The following EFCAB11 variants were observed in gnomAD, a reference collection of about 807,000 sequenced individuals.
EFCAB11 encodes the protein EF-hand calcium binding domain 11.
In EFCAB11, 14 loss-of-function variants were observed where a neutral mutation model predicts 23.0. That is an observed-to-expected ratio of 0.61 (90% CI 0.40 to 0.95). EFCAB11 has a LOEUF of 0.95. EFCAB11 is among the 40% of genes least tolerant of loss of function. The probability of loss-of-function intolerance (pLI) is 0.00; values close to 1 mark genes in which losing one functional copy is unlikely to be tolerated. For missense variants in EFCAB11, 198 were observed against 195.8 expected (o/e 1.01, Z -0.07); for synonymous variants, 65 against 66.6 (o/e 0.98, Z 0.11).
At position 89,895,975 on chromosome 14, in the gene EFCAB11, T is replaced by C. The variant is rs143828905; in HGVS notation, c.410+35566A>G. Among the ~76,000 whole-genome samples, 27 of 152,150 alleles carry C rather than the reference T, an allele frequency of 1.8e-4. No individual in the cohort carries two copies. The East Asian group carries it at 5.2e-3, about 29-fold the overall frequency. Reference sequence around the variant, plus strand: ...AAAATGGGTAAAAACCATGAACAGGTATGTCACAGAGGAGACTAGTAAATG... The same window carrying C: ...AAAATGGGTAAAAACCATGAACAGGCATGTCACAGAGGAGACTAGTAAATG... On this transcript the variant is annotated intron_variant, in intron 5 of 5. Coordinates refer to ENST00000316738, the MANE Select transcript of EFCAB11 (RefSeq NM_145231.4).
At chr14:89,802,810 A>C (rs1401569645) in intron 5 of EFCAB11, among the ~76,000 whole-genome samples, 1 of 152,226 alleles carries the variant, frequency 6.6e-6, no homozygotes, top group Admixed American at 6.5e-5. Flanking sequence ...GTCTTAAGAT[A>C]TTCCTTAATA....
intron 3 of EFCAB11, among the ~76,000 whole-genome samples, chr14:89,936,831 A>T (rs1467772347): frequency 6.6e-6 from 1 of 152,194 alleles, no homozygotes; most frequent in Non-Finnish European, 1.5e-5. Flanking sequence ...TAAATAACCT[A>T]GAAATAGAGT....
chr14:89,953,425 CA>C (rs899712126), intron 2 of EFCAB11, among the ~76,000 whole-genome samples: 2 of 152,124 alleles, frequency 1.3e-5, no homozygotes, highest in African/African-American at 4.8e-5. Context: ...CAGAATTACA[CA>C]AAAAAACTGT....
chr14:89,879,187 T>TCAAAACTAAAA (rs1230156892), intron 5 of EFCAB11, among the ~76,000 whole-genome samples: 1 of 152,112 alleles, frequency 6.6e-6, no homozygotes, highest in Non-Finnish European at 1.5e-5. Context: ...ATCATATGAC[T>TCAAAACTAAAA]ATTTTTCTTT....
intron 5 of EFCAB11, among the ~76,000 whole-genome samples, chr14:89,804,486 G>A (rs575470339): frequency 7.9e-5 from 12 of 152,250 alleles, no homozygotes; most frequent in South Asian, 4.1e-4. Context: ...AGCTCCAATC[G>A]CTCATAGTAG....
intron 3 of EFCAB11, among the ~76,000 whole-genome samples, chr14:89,938,479 A>G (rs1429746759): frequency 6.6e-6 from 1 of 152,216 alleles, no homozygotes; most frequent in Non-Finnish European, 1.5e-5. Flanking sequence ...AGTGACTTCA[A>G]AAATAGTGAG....
chr14:89,862,507 T>C (rs183979269), intron 5 of EFCAB11, among the ~76,000 whole-genome samples: 2 of 152,166 alleles, frequency 1.3e-5, no homozygotes, highest in African/African-American at 4.8e-5. Context: ...AAACTGTGGG[T>C]CAGAGACATA....
At chr14:89,860,995 G>A (rs956811734) in intron 5 of EFCAB11, among the ~76,000 whole-genome samples, 1 of 152,092 alleles carries the variant, frequency 6.6e-6, no homozygotes, top group African/African-American at 2.4e-5. Flanking sequence ...TTACTCAAAG[G>A]TCAACATTTT....
In EFCAB11 at chr14:89,924,338, C is replaced by T. The variant is rs1278809571; in HGVS notation, c.410+7203G>A. The T allele has an allele frequency of 8.2e-6, 9 of 1,098,980 alleles. No homozygotes were observed. In the Middle Eastern group the frequency reaches 1.2e-3, roughly 148 times the overall value. The allele number at this position is 1,098,980 out of a possible 1,614,324, so 68.1% of individuals were successfully genotyped here. A position where few individuals can be genotyped will look rare whatever the true frequency, so the allele number is the denominator to read the frequency against. ...GGGAGCATTTGGTGCCTCGATATTG[C>T]CACTTTACATCATCATGTGGCAATC... On this transcript the variant is annotated intron_variant, in intron 5 of 5. Transcript: ENST00000316738.
At chr14:89,947,762 G>A (rs1891031688) in intron 3 of EFCAB11, among the ~76,000 whole-genome samples, 1 of 151,820 alleles carries the variant, frequency 6.6e-6, no homozygotes, top group Non-Finnish European at 1.5e-5. Context: ...GACTTCTACT[G>A]GCTAGAGTTC....
chr14:89,943,482 T>C (rs1890863806), intron 3 of EFCAB11, among the ~76,000 whole-genome samples: 1 of 152,124 alleles, frequency 6.6e-6, no homozygotes, highest in Non-Finnish European at 1.5e-5. Flanking sequence ...GCTCAAGTGA[T>C]CCACCCACCT....
intron 5 of EFCAB11, among the ~76,000 whole-genome samples, chr14:89,842,041 G>A (rs978977673): frequency 2.9e-4 from 44 of 152,160 alleles, no homozygotes; most frequent in African/African-American, 1.0e-3. Context: ...ACAGTATCAT[G>A]ACTCCCAGGT....
chr14:89,846,219 G>A (rs562101790), intron 5 of EFCAB11, among the ~76,000 whole-genome samples: 5 of 152,332 alleles, frequency 3.3e-5, no homozygotes, highest in African/African-American at 9.6e-5. Flanking sequence ...TTCTGAAAGC[G>A]TAAGCTGTAC....
rs762463982 is a variant in EFCAB11, at chr14:89,954,618, C to T, written c.43G>A (p.Ala15Thr). ...CACTTCCTGTGTTCCGAGGGACTGG[C>T]TTCCCACGTCCGCGACCTGGCTCTG... ...EARARSRTWE[A>T]SPSEHRKWVE... The change falls in exon 1 of 6, where the codon GCC becomes ACC. Residue 15 changes from alanine to threonine, a missense_variant. Ala to Thr is a moderately conservative substitution (Grantham distance 58). Transcript: ENST00000316738. 2 of 1,613,770 alleles carry T rather than the reference C, an allele frequency of 1.2e-6. No homozygotes were observed. The highest frequency in any genetic ancestry group is 2.7e-5 in the African/African-American group (2 of 75,062).
intron 3 of EFCAB11, among the ~76,000 whole-genome samples, chr14:89,947,235 T>C (rs1009285627): frequency 6.6e-6 from 1 of 152,134 alleles, no homozygotes; most frequent in Non-Finnish European, 1.5e-5. Context: ...AAGTTTTAAA[T>C]TATTCAAAAA....
chr14:89,800,315 T>C lies in EFCAB11; in HGVS notation c.411-2991A>G, dbSNP rs531253204. On this transcript the variant is annotated intron_variant, in intron 5 of 5. Transcript: ENST00000316738. ...ATGCTCAACCACATTTTGCAAAACA[T>C]AGACTAGGTACAGAGGAGACCACAT... is the stretch of plus-strand genomic sequence containing the variant. Among the ~76,000 whole-genome samples the C allele has an allele frequency of 1.0e-3, 154 of 152,116 alleles. 2 individuals are homozygous for C. The highest frequency in any genetic ancestry group is 3.5e-3 in the African/African-American group (146 of 41,502).
At chr14:89,948,895 T>C (rs73324532) in intron 3 of EFCAB11, among the ~76,000 whole-genome samples, 8,486 of 147,992 alleles carry the variant, frequency 0.057, 422 homozygotes, top group African/African-American at 0.13. Flanking sequence ...AAAAAAAAAA[T>C]AGAGTAAGAC....
At chr14:89,952,088 C>T (rs1891189374) in intron 2 of EFCAB11, among the ~76,000 whole-genome samples, 1 of 152,120 alleles carries the variant, frequency 6.6e-6, no homozygotes, top group African/African-American at 2.4e-5. Flanking sequence ...CTAAAAAAAT[C>T]TGTTGAATTT....
chr14:89,865,161 G>T (rs574631802), intron 5 of EFCAB11, among the ~76,000 whole-genome samples: 190 of 152,302 alleles, frequency 1.2e-3, no homozygotes, highest in African/African-American at 4.5e-3. Flanking sequence ...CAAGGGCAAG[G>T]CTGAAAGAAC....
Sources: allele counts gnomAD v4.1 joint callset (sites outside exome capture counted in the v4.1 genomes callset), GRCh38; gene constraint gnomAD v4.1.1; transcripts MANE v1.5; gene names NCBI Gene and HGNC (gene_info 2026-07-23, HGNC 2026-07-21).